ZC2HC1A: variants seen among roughly 807,000 people sequenced by gnomAD.
ZC2HC1A encodes zinc finger C2HC domain-containing protein 1A.
Under a neutral mutation model 40.7 loss-of-function variants are expected in ZC2HC1A, and 28 were observed. That is an observed-to-expected ratio of 0.69 (90% CI 0.51 to 0.94). ZC2HC1A has a LOEUF of 0.94. Among genes scored for constraint, ZC2HC1A ranks in the 40% least tolerant of loss-of-function variants. The pLI is 0.00. For synonymous variants in ZC2HC1A, 129 were observed against 129.2 expected (o/e 1.00, Z 0.01); for missense variants, 389 against 386.3 (o/e 1.01, Z -0.06).
At chr8:78,674,936 A>G (rs1374539711) in intron 1 of ZC2HC1A, among the ~76,000 whole-genome samples, 1 of 152,100 alleles carries the variant, frequency 6.6e-6, no homozygotes, top group Non-Finnish European at 1.5e-5. Flanking sequence ...ACTATGGGGA[A>G]CATGTTACAT....
chr8:78,693,300 T>C (rs895250368), intron 5 of ZC2HC1A, among the ~76,000 whole-genome samples: 10 of 151,450 alleles, frequency 6.6e-5, no homozygotes, highest in Non-Finnish European at 1.0e-4. Flanking sequence ...CCCTGAGGAA[T>C]CACCACACTG....
At chr8:78,682,164 A>G (rs1162506936) in intron 3 of ZC2HC1A, among the ~76,000 whole-genome samples, 1 of 152,170 alleles carries the variant, frequency 6.6e-6, no homozygotes, top group Non-Finnish European at 1.5e-5. Flanking sequence ...TCTTTGTAGC[A>G]TGTGAGCCAG....
intron 4 of ZC2HC1A, among the ~76,000 whole-genome samples, chr8:78,687,203 C>T (rs77127864): frequency 3.3e-5 from 5 of 151,828 alleles, no homozygotes; most frequent in African/African-American, 1.2e-4. Flanking sequence ...AAAGTTGACA[C>T]TTTGACATTC....
chr8:78,692,652 C>A (rs554813218), intron 5 of ZC2HC1A, among the ~76,000 whole-genome samples: 5 of 152,046 alleles, frequency 3.3e-5, no homozygotes, highest in East Asian at 1.9e-4. Flanking sequence ...TTCCAGTAAT[C>A]TTTTTGTTGT....
intron 2 of ZC2HC1A, 100 bp downstream of exon 2, chr8:78,675,963 T>G (rs1373711394): frequency 9.7e-7 from 1 of 1,036,168 alleles, no homozygotes; most frequent in African/African-American, 1.6e-5. Context: ...GAATAGTTTT[T>G]GAAGAGTTAA....
Position 78,710,613 on chromosome 8 carries a change from C to T in ZC2HC1A, c.705-4608C>T, listed in dbSNP as rs78945575. Among the ~76,000 whole-genome samples, 1,441 of 151,822 alleles carry T rather than the reference C, an allele frequency of 9.5e-3. 17 individuals are homozygous for T. Among genetic ancestry groups the T allele is most frequent in the African/African-American group, 0.033 (1,363 of 41,434 alleles). On this transcript the variant is annotated intron_variant, in intron 7 of 8. Transcript: ENST00000263849. The stretch of plus-strand genomic sequence containing the variant: ...TTTCTGAGAAAGAAAAATTTTAATC[C>T]TTATTTCCAGAATCATGTAAGATAA...
At chr8:78,676,829 C>CT (rs1809597136) in intron 2 of ZC2HC1A, among the ~76,000 whole-genome samples, 1 of 151,694 alleles carries the variant, frequency 6.6e-6, no homozygotes, top group African/African-American at 2.4e-5. Flanking sequence ...AAAAAAGTGC[C>CT]TTTTTTGGCT....
At chr8:78,708,458 G>C (rs779224024) in intron 7 of ZC2HC1A, among the ~76,000 whole-genome samples, 2 of 151,856 alleles carry the variant, frequency 1.3e-5, no homozygotes, top group Non-Finnish European at 2.9e-5. Context: ...TGGGAGAGTC[G>C]CTTGAACCCA....
Position 78,686,659 on chromosome 8 carries a change from T to C in ZC2HC1A, c.352+51T>C, listed in dbSNP as rs910936073. On this transcript the variant is annotated intron_variant, in intron 4 of 8. Transcript: ENST00000263849. ...TGTTCATGTGGAAAGAAAATAATGATAGAGTTTTTATAAATTTTCACTTGT... is the reference window on the plus strand; with the variant it reads ...TGTTCATGTGGAAAGAAAATAATGACAGAGTTTTTATAAATTTTCACTTGT... The C allele has an allele frequency of 3.6e-6, 5 of 1,401,336 alleles. No homozygotes were observed. The African/African-American group carries it at 4.5e-5, about 13-fold the overall frequency. The allele number at this position is 1,401,336 out of a possible 1,614,324, so 86.8% of individuals were successfully genotyped here. A position where few individuals can be genotyped will look rare whatever the true frequency, so the allele number is the denominator to read the frequency against.
chr8:78,691,854 C>T (rs1026771816), intron 5 of ZC2HC1A, among the ~76,000 whole-genome samples: 3 of 152,004 alleles, frequency 2.0e-5, no homozygotes, highest in African/African-American at 7.2e-5. Flanking sequence ...TATCAGTACT[C>T]TTGATGTGTA....
At chr8:78,703,551 T>A (rs1385011687) in intron 7 of ZC2HC1A, among the ~76,000 whole-genome samples, 1 of 151,672 alleles carries the variant, frequency 6.6e-6, no homozygotes, top group East Asian at 1.9e-4. Flanking sequence ...TTTTTTTTTT[T>A]TAAATCTTTG....
intron 4 of ZC2HC1A, among the ~76,000 whole-genome samples, chr8:78,687,552 A>G (rs1167809686): frequency 7.0e-6 from 1 of 143,440 alleles, no homozygotes; most frequent in Non-Finnish European, 1.5e-5. Flanking sequence ...AATAAATTTT[A>G]TATTTACATA....
intron 1 of ZC2HC1A, among the ~76,000 whole-genome samples, chr8:78,673,952 T>A (rs1809501812): frequency 6.6e-6 from 1 of 152,120 alleles, no homozygotes; most frequent in Non-Finnish European, 1.5e-5. Context: ...TGATAATAAT[T>A]TTCGTTTTTT....
At position 78,714,701 on chromosome 8, in the gene ZC2HC1A, T is replaced by TA. The variant is rs1011166398; in HGVS notation, c.705-516dup. 2.8e-4 allele frequency among the ~76,000 whole-genome samples: 42 copies of TA among 152,330 alleles called. 1 individual carries two copies. Among genetic ancestry groups the TA allele is most frequent in the African/African-American group, 9.6e-4 (40 of 41,580 alleles). ...CGGATAGCCCAGGCTGTGCAGTTGG[T>TA]AAAATTAAATCTTTAAAGGGAATAT... On this transcript the variant is annotated intron_variant, in intron 7 of 8. Coordinates refer to ENST00000263849, the MANE Select transcript of ZC2HC1A (RefSeq NM_016010.3).
intron 4 of ZC2HC1A, among the ~76,000 whole-genome samples, chr8:78,687,176 G>A (rs925606276): frequency 7.9e-5 from 12 of 151,542 alleles, no homozygotes; most frequent in Non-Finnish European, 1.5e-4. Context: ...CTGAGATACC[G>A]AAAAACTTAA....
intron 6 of ZC2HC1A, 62 bp downstream of exon 6, chr8:78,697,568 A>G: frequency 2.4e-6 from 3 of 1,234,590 alleles, no homozygotes; most frequent in South Asian, 1.3e-5. Context: ...AGCAGGAAAT[A>G]AAGATAGTGG....
At chr8:78,682,002 C>A (rs1307513301) in intron 3 of ZC2HC1A, among the ~76,000 whole-genome samples, 1 of 151,316 alleles carries the variant, frequency 6.6e-6, no homozygotes, top group Non-Finnish European at 1.5e-5. Flanking sequence ...TTTCACCTCC[C>A]AAAATGTGGG....
chr8:78,681,738 C>G (rs1398276527), intron 3 of ZC2HC1A, among the ~76,000 whole-genome samples: 1 of 151,906 alleles, frequency 6.6e-6, no homozygotes, highest in African/African-American at 2.4e-5. Flanking sequence ...TATATTTGTT[C>G]TGGTATCTGT....
At chr8:78,677,648 C>CTT (rs76888359) in intron 2 of ZC2HC1A, among the ~76,000 whole-genome samples, 23 of 148,068 alleles carry the variant, frequency 1.6e-4, no homozygotes, top group Admixed American at 1.5e-3. Context: ...TTAGTGGAGA[C>CTT]TTTTTTTTTT....
Sources: gnomAD v4.1 joint callset for allele counts (sites outside exome capture counted in the v4.1 genomes callset) on GRCh38, gnomAD v4.1.1 for gene constraint, MANE v1.5 for transcripts, NCBI Gene and HGNC (gene_info 2026-07-23, HGNC 2026-07-21) for gene names.